HCRTR1: variants seen among roughly 807,000 people sequenced by gnomAD.
HCRTR1 encodes the protein orexin/Hypocretin receptor type 1.
In HCRTR1, 28 loss-of-function variants were observed where a neutral mutation model predicts 40.6. That is an observed-to-expected ratio of 0.69 (90% confidence interval 0.51 to 0.95). HCRTR1 has a LOEUF of 0.95. Ranked by LOEUF, HCRTR1 falls within the 40% of genes least tolerant of loss-of-function variation. HCRTR1 has a pLI of 0.00. For missense variants in HCRTR1, 482 were observed against 564.7 expected (o/e 0.85, Z 1.48); for synonymous variants, 209 against 230.0 (o/e 0.91, Z 0.83).
intron 6 of HCRTR1, among the ~76,000 whole-genome samples, chr1:31,622,763 AG>A (rs1639884728): frequency 6.6e-6 from 1 of 152,202 alleles, no homozygotes; most frequent in African/African-American, 2.4e-5. Context: ...GCACTGGCCC[AG>A]GCCATTCGAT....
At chr1:31,619,909 C>CT (rs1351291563) in intron 4 of HCRTR1, among the ~76,000 whole-genome samples, 199 bp downstream of exon 4, 1 of 152,218 alleles carries the variant, frequency 6.6e-6, no homozygotes, top group East Asian at 1.9e-4. Context: ...ACCCCACACA[C>CT]TCACAGAGAT....
At chr1:31,623,085 T>G (rs1036139738) in intron 6 of HCRTR1, among the ~76,000 whole-genome samples, 1 of 151,996 alleles carries the variant, frequency 6.6e-6, no homozygotes, top group African/African-American at 2.4e-5. Context: ...TCCCAGCACT[T>G]TGGGAGGCTG....
In HCRTR1 at chr1:31,626,238, G is replaced by C. The variant is rs573967594; in HGVS notation, c.1088-552G>C. 9.8e-5 allele frequency among the ~76,000 whole-genome samples: 15 copies of C among 152,290 alleles called. No individual in the cohort carries two copies. The East Asian group carries it at 2.7e-3, about 27-fold the overall frequency. ...TGAGAAGGGCTTTGGAATTAGAATTGGGTTCAGCTTCTGGCTGGGTGGACT... is the reference window on the plus strand; with the variant it reads ...TGAGAAGGGCTTTGGAATTAGAATTCGGTTCAGCTTCTGGCTGGGTGGACT... On this transcript the variant is annotated intron_variant, in intron 8 of 8. Transcript: ENST00000403528. The surrounding 1 kb of genome is among the most constrained non-coding windows in gnomAD (Gnocchi z 4.6).
Position 31,619,342 on chromosome 1 carries a change from C to G in HCRTR1, c.150C>G (p.Ile50Met). The G allele has an allele frequency of 3.1e-6, 5 of 1,614,230 alleles. No homozygotes were observed. Among genetic ancestry groups the G allele is most frequent in the Non-Finnish European group, 4.2e-6 (5 of 1,180,036 alleles). ...LYPKQYEWVL[I>M]AAYVAVFVVA... ...CAAAACAGTATGAGTGGGTCCTCAT[C>G]GCAGCCTATGTGGCTGTGTTCGTCG... Residue 50 changes from isoleucine to methionine, a missense_variant, in exon 3 of 9, where the codon ATC (isoleucine) becomes ATG (methionine). Coordinates refer to ENST00000403528, the MANE Select transcript of HCRTR1 (RefSeq NM_001525.3).
intron 7 of HCRTR1, 21 bp from the exon 8 acceptor site, chr1:31,624,976 G>T (rs201032629): frequency 9.5e-6 from 15 of 1,573,218 alleles, no homozygotes; most frequent in South Asian, 1.2e-5. Context: ...CATTTCTGAC[G>T]CTCCTCCACC....
downstream of HCRTR1, chr1:31,632,174 C>T (rs1374624835): frequency 5.2e-6 from 3 of 577,212 alleles, no homozygotes; most frequent in Non-Finnish European, 6.2e-6. Context: ...AAAGGAGTCA[C>T]CCAAGCCACA....
chr1:31,630,759 C>G (rs569702331), downstream of HCRTR1: 1 of 1,614,088 alleles, frequency 6.2e-7, no homozygotes, highest in Non-Finnish European at 8.5e-7. Context: ...AGCTGCATGG[C>G]AGGATTGGCA....
rs906225538 is a variant in HCRTR1, at chr1:31,625,623, G to A, written c.1087+505G>A. ...AGCTAGACACACTGGCAGAGTGACC[G>A]GAATCTCAGGGGTTGTCCCCTCTGG... On this transcript the variant is annotated intron_variant, in intron 8 of 8. Coordinates refer to ENST00000403528, the MANE Select transcript of HCRTR1 (RefSeq NM_001525.3). This position sits in a 1 kb window ranked among gnomAD's most constrained non-coding sequence, Gnocchi z 4.2. Among the ~76,000 whole-genome samples the A allele has an allele frequency of 5.9e-5, 9 of 152,160 alleles. No individual in the cohort carries two copies. The highest frequency in any genetic ancestry group is 1.2e-4 in the African/African-American group (5 of 41,438).
chr1:31,619,412 G>T (rs200587227), intron 3 of HCRTR1, 21 bp downstream of exon 3: 955 of 1,613,724 alleles, frequency 5.9e-4, no homozygotes, highest in Non-Finnish European at 7.7e-4. Flanking sequence ...GGCTTGCCCG[G>T]CAGTGCTGCC....
At chr1:31,627,986 T>TA (rs1640012993), downstream of HCRTR1, among the ~76,000 whole-genome samples, 1 of 152,084 alleles carries the variant, frequency 6.6e-6, no homozygotes, top group Non-Finnish European at 1.5e-5. Context: ...ACTCACAGGA[T>TA]AAAAAGAGAA....
At chr1:31,629,277 GAGGAGAGCC>G (rs988533582), downstream of HCRTR1, among the ~76,000 whole-genome samples, 34 of 152,220 alleles carry the variant, frequency 2.2e-4, no homozygotes, top group African/African-American at 8.0e-4. Context: ...CCACTGCAGG[GAGGAGAGCC>G]CTGCACAGGG....
At chr1:31,619,790 C>A (rs1639813961) in intron 4 of HCRTR1, 80 bp downstream of exon 4, 6 of 1,340,212 alleles carry the variant, frequency 4.5e-6, no homozygotes, top group Non-Finnish European at 6.1e-6. Flanking sequence ...TCTCAGTGAC[C>A]CCCAGACTTG....
intron 6 of HCRTR1, among the ~76,000 whole-genome samples, chr1:31,623,312 A>AAG (rs1639900317): frequency 6.8e-6 from 1 of 146,822 alleles, no homozygotes. Flanking sequence ...AAAAAAAAAA[A>AAG]GAAAAGAAAA....
At position 31,621,577 on chromosome 1, in the gene HCRTR1, G is replaced by A. The variant is rs139788392; in HGVS notation, c.723G>A (p.Lys241=). The change falls in exon 6 of 9, where the codon AAG becomes AAA. Residue 241 remains lysine (K), a synonymous_variant. Transcript: ENST00000403528. The part of the protein sequence containing the change: ...MAMAYFQIFR[K]LWGRQIPGTT... ...TGGCCTATTTCCAGATATTCCGCAA[G>A]CTCTGGGGCCGCCAGGTGAGGCCCA... The A allele has an allele frequency of 8.7e-6, 14 of 1,612,896 alleles. No homozygotes were observed. The African/African-American group carries it at 1.5e-4, about 17-fold the overall frequency.
Position 31,625,115 on chromosome 1 carries a change from A to G in HCRTR1, c.1084A>G (p.Ser362Gly), listed in dbSNP as rs181149943. The change falls in exon 8 of 9, where the codon AGT (serine) becomes GGT (glycine). Residue 362 changes from serine (S) to glycine (G), a missense_variant. Physicochemically the swap from Ser to Gly is moderately conservative, Grantham distance 56 (BLOSUM62 0). Transcript: ENST00000403528. This position sits in a 1 kb window ranked among gnomAD's most constrained non-coding sequence, Gnocchi z 4.2. ...CAACCCCATCATCTACAACTTCCTC[A>G]GTGGTGAGCAGGCTGGGGATGCAAA... ...AANPIIYNFL[S>G]GKFREQFKAA... is the part of the protein sequence containing the mutation. 623 of 1,607,942 alleles carry G rather than the reference A, an allele frequency of 3.9e-4. 1 individual carries two copies. Among genetic ancestry groups the G allele is most frequent in the South Asian group, 9.1e-4 (82 of 90,220 alleles).
At chr1:31,632,247 G>A, downstream of HCRTR1, 1 of 668,562 alleles carries the variant, frequency 1.5e-6, no homozygotes, top group South Asian at 1.7e-5. Flanking sequence ...TGTGGCTGGG[G>A]CCGTCTCACC....
intron 4 of HCRTR1, 104 bp downstream of exon 4, chr1:31,619,814 T>C: frequency 9.3e-7 from 1 of 1,076,292 alleles, no homozygotes; most frequent in South Asian, 1.6e-5. Flanking sequence ...TTCAGACAGG[T>C]CAGTGGCTCA....
In HCRTR1 at chr1:31,619,370, G is replaced by A; in HGVS notation, c.178G>A (p.Ala60Thr). ...AGCCTATGTGGCTGTGTTCGTCGTG[G>A]CCCTGGTGGGCAACACGCTGGGTAG... Reference protein sequence around the residue: ...IAAYVAVFVVALVGNTLVCLA... With the variant: ...IAAYVAVFVVTLVGNTLVCLA... Residue 60 changes from alanine to threonine, a missense_variant, in exon 3 of 9, where the codon GCC (alanine) becomes ACC (threonine). Coordinates refer to ENST00000403528, the MANE Select transcript of HCRTR1 (RefSeq NM_001525.3). The A allele has an allele frequency of 6.2e-7, 1 of 1,614,204 alleles. No homozygotes were observed. The highest frequency in any genetic ancestry group is 8.5e-7 in the Non-Finnish European group (1 of 1,180,038).
intron 7 of HCRTR1, among the ~76,000 whole-genome samples, chr1:31,624,449 A>AC (rs1639931090): frequency 2.2e-4 from 1 of 4,526 alleles, no homozygotes; most frequent in Non-Finnish European, 6.9e-4. Context: ...CAGCTGTCTC[A>AC]AAAAAAAAAA....
Sources: gnomAD v4.1 joint callset for allele counts (sites outside exome capture counted in the v4.1 genomes callset) on GRCh38, gnomAD v4.1.1 for gene constraint, Gnocchi (gnomAD v3.1) non-coding constraint, MANE v1.5 for transcripts, NCBI Gene and HGNC (gene_info 2026-07-23, HGNC 2026-07-21) for gene names.